FAM178B: variants seen among roughly 807,000 people sequenced by gnomAD.
FAM178B encodes protein FAM178B.
Under a neutral mutation model 91.7 loss-of-function variants are expected in FAM178B, and 82 were observed. The ratio of observed to expected loss-of-function variants is 0.89; its 90% CI spans 0.75 to 1.07. FAM178B has a LOEUF of 1.07. FAM178B is among the 50% of genes least tolerant of loss of function. The pLI is 0.00. For missense variants in FAM178B, 769 were observed against 846.7 expected, an observed-to-expected ratio of 0.91 and a Z score of 1.14; for synonymous variants, 368 against 359.4, an observed-to-expected ratio of 1.02 and a Z score of -0.27.
chr2:96,922,956 G>C (rs1285407801), intron 10 of FAM178B, among the ~76,000 whole-genome samples: 1 of 151,584 alleles, frequency 6.6e-6, no homozygotes, highest in Non-Finnish European at 1.5e-5. Flanking sequence ...TTACAGGCAT[G>C]AGCCACTGCA....
intron 1 of FAM178B, chr2:96,977,891 A>G (rs986779676): frequency 4.7e-6 from 2 of 422,520 alleles, no homozygotes; most frequent in African/African-American, 4.9e-5. Context: ...CACGAAGCCC[A>G]GGGCACTCTG....
intron 14 of FAM178B, among the ~76,000 whole-genome samples, chr2:96,883,609 CTGTG>C (rs1397101636): frequency 1.3e-5 from 2 of 152,198 alleles, no homozygotes; most frequent in African/African-American, 4.8e-5. Context: ...GGGGCAGCTA[CTGTG>C]TGTGTGTTGG....
intron 9 of FAM178B, among the ~76,000 whole-genome samples, chr2:96,925,087 G>T (rs2081413000): frequency 6.6e-6 from 1 of 152,144 alleles, no homozygotes; most frequent in African/African-American, 2.4e-5. Context: ...TCTGGGCGCA[G>T]GCTGGGCCTG....
In FAM178B at chr2:96,947,859, A is replaced by AGACCAAAGGC; in HGVS notation, c.1027_1036dup (p.Leu346ArgfsTer18). 6.5e-7 allele frequency: 1 copy of AGACCAAAGGC among 1,549,722 alleles called. No individual in the cohort carries two copies. Among genetic ancestry groups the AGACCAAAGGC allele is most frequent in the Non-Finnish European group, 8.7e-7 (1 of 1,145,248 alleles). On this transcript the variant is annotated frameshift_variant, in exon 8 of 17. Coordinates refer to ENST00000490605, the MANE Select transcript of FAM178B (RefSeq NM_001122646.3). LOFTEE classifies it high-confidence loss of function. ...TCCATCCACAATGAGATCCCACAGA[A>AGACCAAAGGC]GACCAAAGGCTCCCAAAGATGTTTC...
intron 13 of FAM178B, among the ~76,000 whole-genome samples, chr2:96,900,840 T>C (rs539255998): frequency 6.6e-6 from 1 of 152,282 alleles, no homozygotes; most frequent in South Asian, 2.1e-4. Context: ...CTCAGACATA[T>C]GGTCCACCTC....
At chr2:96,897,856 C>A (rs1359165544) in intron 13 of FAM178B, 19 of 649,916 alleles carry the variant, frequency 2.9e-5, no homozygotes, top group Non-Finnish European at 3.4e-5. Context: ...CACTTCTGCG[C>A]AGAAGTCAAA....
intron 14 of FAM178B, among the ~76,000 whole-genome samples, chr2:96,887,107 C>T (rs1326978907): frequency 1.3e-5 from 2 of 151,916 alleles, no homozygotes; most frequent in Non-Finnish European, 2.9e-5. Context: ...TCCAGCTACT[C>T]GGGAGGTTGA....
intron 9 of FAM178B, among the ~76,000 whole-genome samples, chr2:96,927,876 A>G (rs2153371476): frequency 6.6e-6 from 1 of 152,254 alleles, no homozygotes; most frequent in South Asian, 2.1e-4. Context: ...CCTGCCTCAG[A>G]CGTTCATTTG....
intron 13 of FAM178B, among the ~76,000 whole-genome samples, chr2:96,897,338 G>A (rs907559314): frequency 3.3e-5 from 5 of 152,180 alleles, no homozygotes; most frequent in Admixed American, 2.6e-4. Flanking sequence ...ATGAATAAAT[G>A]AACAGTCAAG....
chr2:96,926,165 T>C (rs542192003), intron 9 of FAM178B, among the ~76,000 whole-genome samples: 2 of 151,952 alleles, frequency 1.3e-5, no homozygotes, highest in African/African-American at 2.4e-5. Context: ...TTAGCAAGCA[T>C]TGTAGTACGC....
intron 14 of FAM178B, among the ~76,000 whole-genome samples, chr2:96,886,370 G>A (rs1052105258): frequency 6.6e-6 from 1 of 152,226 alleles, no homozygotes; most frequent in Admixed American, 6.5e-5. Flanking sequence ...GTTACGATTC[G>A]AGGGCCGAAG....
intron 8 of FAM178B, among the ~76,000 whole-genome samples, chr2:96,930,453 C>T (rs2081521911): frequency 6.6e-6 from 1 of 152,174 alleles, no homozygotes; most frequent in South Asian, 2.1e-4. Flanking sequence ...CATCCAGGGA[C>T]AGAGCCTATG....
At chr2:96,887,640 A>C (rs1317877444) in intron 14 of FAM178B, among the ~76,000 whole-genome samples, 1 of 152,236 alleles carries the variant, frequency 6.6e-6, no homozygotes, top group Non-Finnish European at 1.5e-5. Flanking sequence ...GCAGCAGTGA[A>C]GCCATGCATT....
intron 8 of FAM178B, among the ~76,000 whole-genome samples, chr2:96,929,839 C>T (rs551612854): frequency 7.1e-4 from 108 of 152,372 alleles, no homozygotes; most frequent in South Asian, 1.4e-3. Context: ...CCTCCCACAG[C>T]CTGGGGCGTG....
rs532760129 is a variant in FAM178B at position 96,919,695 on chromosome 2, G to C, written c.1562+1470C>G. On this transcript the variant is annotated intron_variant, in intron 12 of 16. Transcript: ENST00000490605. ...TCTCCATCCCATGAAGAAATACCAG[G>C]CTGCTGGGCTGCAGGCAGCCTCCCT... 1.1e-4 allele frequency among the ~76,000 whole-genome samples: 16 copies of C among 152,270 alleles called. No individual in the cohort carries two copies. In the South Asian group the frequency reaches 2.7e-3, roughly 26 times the overall value.
At chr2:96,963,600 T>G (rs1048346043) in intron 5 of FAM178B, among the ~76,000 whole-genome samples, 22 of 152,274 alleles carry the variant, frequency 1.4e-4, no homozygotes, top group African/African-American at 5.3e-4. Flanking sequence ...CCCAACACAT[T>G]CCTAAACTTT....
At chr2:96,883,980 G>A (rs1055447135) in intron 14 of FAM178B, among the ~76,000 whole-genome samples, 3 of 152,180 alleles carry the variant, frequency 2.0e-5, no homozygotes, top group African/African-American at 7.2e-5. Context: ...GTAAGCACAC[G>A]GACTGAAGAT....
intron 16 of FAM178B, among the ~76,000 whole-genome samples, chr2:96,877,300 C>G (rs1235532974): frequency 6.6e-6 from 1 of 152,192 alleles, no homozygotes; most frequent in African/African-American, 2.4e-5. Context: ...GACTGGCACT[C>G]TGGGTCCAGA....
chr2:96,895,239 C>T (rs747610566), intron 13 of FAM178B: 116 of 529,758 alleles, frequency 2.2e-4, no homozygotes, highest in Non-Finnish European at 3.3e-4. Context: ...AATCATAATA[C>T]CATTTCTTTC....
Sources: gnomAD v4.1 joint callset for allele counts (sites outside exome capture counted in the v4.1 genomes callset) on GRCh38, gnomAD v4.1.1 for gene constraint, MANE v1.5 for transcripts, NCBI Gene and HGNC (gene_info 2026-07-23, HGNC 2026-07-21) for gene names.